MINK1: variants seen among roughly 807,000 people sequenced by gnomAD.
The protein encoded by MINK1 is misshapen-like kinase 1.
A neutral mutation model predicts 178.4 loss-of-function variants in MINK1; 46 were observed. The observed-to-expected ratio is 0.26, with a 90% confidence interval of 0.20 to 0.33. The LOEUF is 0.33. Among genes scored for constraint, MINK1 ranks in the 10% least tolerant of loss-of-function variants. The pLI is 1.00. For missense variants in MINK1, 1,366 were observed against 1,814.9 expected, an observed-to-expected ratio of 0.75 and a Z score of 4.49; for synonymous variants, 797 against 709.7, an observed-to-expected ratio of 1.12 and a Z score of -1.96.
At position 4,896,321 on chromosome 17, in the gene MINK1, T is replaced by C; in HGVS notation, c.3594T>C (p.Tyr1198=). The change falls in exon 29 of 32, where the codon TAT becomes TAC. Residue 1198 remains tyrosine, a synonymous_variant. Coordinates refer to ENST00000355280, the MANE Select transcript of MINK1 (RefSeq NM_153827.5). This position sits in a 1 kb window ranked among gnomAD's most constrained non-coding sequence, Gnocchi z 4.6. ...TGGATGTCGACTCGGGGAACAGCTA[T>C]GACATCTACATCCCTGTGCACGTGA... The part of the protein sequence containing the change: ...HAVDVDSGNS[Y]DIYIPVHIQS... The C allele has an allele frequency of 1.3e-6, 2 of 1,599,862 alleles. No individual in the cohort carries two copies. Among genetic ancestry groups the C allele is most frequent in the South Asian group, 1.1e-5 (1 of 88,062 alleles).
chr17:4,846,462 A>C (rs112261843), intron 1 of MINK1, among the ~76,000 whole-genome samples: 2 of 152,142 alleles, frequency 1.3e-5, no homozygotes, highest in African/African-American at 4.8e-5. Context: ...AATGGCAGTC[A>C]GTTGTTTTCC....
chr17:4,871,095 C>G (rs1353722677), intron 1 of MINK1: 1 of 356,428 alleles, frequency 2.8e-6, no homozygotes, highest in Admixed American at 2.9e-5. Context: ...TGACTAGCTT[C>G]TTTCATAAGC....
At chr17:4,851,893 G>A (rs1912019843) in intron 1 of MINK1, among the ~76,000 whole-genome samples, 1 of 151,154 alleles carries the variant, frequency 6.6e-6, no homozygotes, top group African/African-American at 2.4e-5. Flanking sequence ...CCAACTACTT[G>A]GGAGGCTGGG....
chr17:4,890,592 T>C lies in MINK1; in HGVS notation c.1423T>C (p.Tyr475His). Residue 475 changes from tyrosine (Y) to histidine (H), a missense_variant, in exon 14 of 32, where the codon TAC (tyrosine) becomes CAC (histidine). Physicochemically the swap from Tyr to His is moderately conservative, Grantham distance 83 (BLOSUM62 2). This residue lies in a region of MINK1 where 11 missense variants were observed against 28.5 expected (regional missense o/e 0.39). Coordinates refer to ENST00000355280, the MANE Select transcript of MINK1 (RefSeq NM_153827.5). ...LQRQLQQEHA[Y>H]LKSLQQQQQQ... ...GAGGCAGCTGCAGCAGGAGCATGCC[T>C]ACCTCAAGTCCCTGCAGCAGCAGCA... The C allele has an allele frequency of 6.4e-7, 1 of 1,569,408 alleles. No individual in the cohort carries two copies. Among genetic ancestry groups the C allele is most frequent in the Non-Finnish European group, 8.6e-7 (1 of 1,158,184 alleles).
intron 1 of MINK1, among the ~76,000 whole-genome samples, chr17:4,857,715 G>A (rs1913430268): frequency 6.6e-6 from 1 of 152,014 alleles, no homozygotes; most frequent in African/African-American, 2.4e-5. Flanking sequence ...CAATCCGCCA[G>A]CCTTGGCATC....
At chr17:4,852,026 A>G (rs1413583697) in intron 1 of MINK1, among the ~76,000 whole-genome samples, 2 of 127,378 alleles carry the variant, frequency 1.6e-5, no homozygotes, top group African/African-American at 5.6e-5. Flanking sequence ...AAAAAAAAAA[A>G]ACTAAGAAAG....
chr17:4,862,485 T>C (rs745677957), intron 1 of MINK1, among the ~76,000 whole-genome samples: 3 of 151,934 alleles, frequency 2.0e-5, no homozygotes, highest in Non-Finnish European at 4.4e-5. Flanking sequence ...CGAAACCCCG[T>C]CTCTACTAAA....
chr17:4,889,307 G>A (rs943654776), intron 12 of MINK1, among the ~76,000 whole-genome samples: 3 of 152,154 alleles, frequency 2.0e-5, no homozygotes, highest in African/African-American at 7.2e-5. Context: ...TCAGGCAAAG[G>A]TCGATTTTAG....
At position 4,833,395 on chromosome 17, in the gene MINK1, TC is replaced by T. The variant is rs1908767673; in HGVS notation, c.-187del. The T allele has an allele frequency of 1.9e-6, 1 of 527,814 alleles. No individual in the cohort carries two copies. The highest frequency in any genetic ancestry group is 4.0e-5 in the Admixed American group (1 of 24,948). The allele number at this position is 527,814 out of a possible 1,614,324, so 32.7% of individuals were successfully genotyped here. On this transcript the variant is annotated 5_prime_UTR_variant, in exon 1 of 32. Transcript: ENST00000355280. The surrounding 1 kb of genome is among the most constrained non-coding windows in gnomAD (Gnocchi z 4.8). ...GAGGTGGTAGGCTCGGGTGGCTGGC[TC>T]CGGGGAGATAGCGCCTGTCAGTCGG...
At chr17:4,879,601 A>G (rs1967514316) in intron 2 of MINK1, among the ~76,000 whole-genome samples, 1 of 152,162 alleles carries the variant, frequency 6.6e-6, no homozygotes. Flanking sequence ...GTCCATCCCC[A>G]TGAGGGGCCA....
rs186131152 is a variant in MINK1 at position 4,897,805 on chromosome 17, C to A, written c.*518C>A. ...AGCACTTTAATGATTCCCCTTCCCC[C>A]AAACTCCAGGGAATGGAGGGGGGAC... On this transcript the variant is annotated 3_prime_UTR_variant, in exon 32 of 32. Transcript: ENST00000355280. The A allele has an allele frequency of 6.5e-6, 1 of 152,754 alleles. No individual in the cohort carries two copies. Among genetic ancestry groups the A allele is most frequent in the East Asian group, 1.9e-4 (1 of 5,174 alleles). The allele number at this position is 152,754 out of a possible 1,614,324, so 9.5% of individuals were successfully genotyped here. A position where few individuals can be genotyped will look rare whatever the true frequency, so the allele number is the denominator to read the frequency against.
At chr17:4,897,154 A>C (rs1367226403) in intron 31 of MINK1, 50 bp from the exon 32 acceptor site, 1 of 1,507,710 alleles carries the variant, frequency 6.6e-7, no homozygotes. Context: ...CCCAGTTGAG[A>C]CACCCCCCCA....
intron 1 of MINK1, among the ~76,000 whole-genome samples, chr17:4,837,938 C>A (rs964100037): frequency 3.9e-5 from 6 of 152,026 alleles, no homozygotes; most frequent in African/African-American, 1.4e-4. Flanking sequence ...CGCCTTCCTC[C>A]TCTCTTCATG....
At chr17:4,859,203 C>T in intron 1 of MINK1, 1 of 985,448 alleles carries the variant, frequency 1.0e-6, no homozygotes, top group Non-Finnish European at 1.2e-6. Flanking sequence ...GACTTCCATC[C>T]CTTCCCCAGG....
In MINK1 at chr17:4,897,991, C is replaced by CCCCCCCCCCCCCCCCCCT. The variant is rs1555545738; in HGVS notation, c.*705_*706insCCCCCCCCCCCCCCCCTC. ...GCAAGTAACCCTTCTCCCTCCCCCCCCACCCCTCCTCAATGTAGTGGCCTT... is the reference window on the plus strand; with the variant it reads ...GCAAGTAACCCTTCTCCCTCCCCCCCCCCCCCCCCCCCCCCCCTCACCCCTCCTCAATGTAGTGGCCTT... On this transcript the variant is annotated 3_prime_UTR_variant, in exon 32 of 32. Transcript: ENST00000355280. 1.4e-5 allele frequency: 2 copies of CCCCCCCCCCCCCCCCCCT among 145,848 alleles called. No homozygotes were observed. Among genetic ancestry groups the CCCCCCCCCCCCCCCCCCT allele is most frequent in the African/African-American group, 2.5e-5 (1 of 40,238 alleles). 9.0% of individuals were successfully genotyped at this position (145,848 alleles called of 1,614,324 possible). A position where few individuals can be genotyped will look rare whatever the true frequency, so the allele number is the denominator to read the frequency against.
chr17:4,892,104 G>A (rs1968881946), intron 16 of MINK1, 45 bp from the exon 17 acceptor site: 16 of 1,472,310 alleles, frequency 1.1e-5, no homozygotes, highest in Non-Finnish European at 1.5e-5. Flanking sequence ...TCTGAGAAGT[G>A]CCTGTCGCAG....
intron 1 of MINK1, among the ~76,000 whole-genome samples, chr17:4,852,392 G>A (rs570115806): frequency 5.3e-4 from 81 of 152,050 alleles, no homozygotes; most frequent in African/African-American, 1.7e-3. Context: ...TTGGTGTCAC[G>A]AAAGAGTCAG....
At chr17:4,888,973 T>TA (rs1968500955) in intron 12 of MINK1, among the ~76,000 whole-genome samples, 1 of 152,148 alleles carries the variant, frequency 6.6e-6, no homozygotes, top group African/African-American at 2.4e-5. Context: ...GTGCTGGGAT[T>TA]ACAGGTGTGA....
intron 1 of MINK1, among the ~76,000 whole-genome samples, chr17:4,848,217 A>G (rs1911336019): frequency 6.6e-6 from 1 of 152,194 alleles, no homozygotes; most frequent in Non-Finnish European, 1.5e-5. Context: ...ATTGTTCCTT[A>G]GGGACAGAGA....
Sources: gnomAD v4.1 joint callset for allele counts (sites outside exome capture counted in the v4.1 genomes callset) on GRCh38, gnomAD v4.1.1 for gene constraint, gnomAD v4.1.1 regional missense constraint, Gnocchi (gnomAD v3.1) non-coding constraint, MANE v1.5 for transcripts, NCBI Gene and HGNC (gene_info 2026-07-23, HGNC 2026-07-21) for gene names.